The following JAKMIP2 variants were observed in gnomAD, a reference collection of about 807,000 sequenced individuals.
The protein encoded by JAKMIP2 is janus kinase and microtubule interacting protein 2, also known as janus kinase and microtubule-interacting protein 2.
In JAKMIP2, 25 loss-of-function variants were observed where a neutral mutation model predicts 115.0. The observed-to-expected ratio is 0.22, with a 90% confidence interval of 0.16 to 0.30. JAKMIP2 has a LOEUF of 0.30. JAKMIP2 is among the 10% of genes least tolerant of loss of function. The pLI is 1.00. For synonymous variants in JAKMIP2, 334 were observed against 343.6 expected (o/e 0.97, Z 0.31); for missense variants, 642 against 957.6 (o/e 0.67, Z 4.35).
intron 1 of JAKMIP2, among the ~76,000 whole-genome samples, chr5:147,682,544 T>C (rs1289452667): frequency 6.6e-6 from 1 of 152,190 alleles, no homozygotes; most frequent in Non-Finnish European, 1.5e-5. Flanking sequence ...GGTGACTGAG[T>C]CCCAGTTAAG....
intron 1 of JAKMIP2, among the ~76,000 whole-genome samples, chr5:147,768,682 G>A (rs1444757573): frequency 3.3e-5 from 5 of 152,058 alleles, no homozygotes; most frequent in African/African-American, 9.7e-5. Context: ...GTAATAAACA[G>A]CATCAGGAAG....
chr5:147,638,868 T>A (rs1289814592), intron 10 of JAKMIP2, among the ~76,000 whole-genome samples: 1 of 152,148 alleles, frequency 6.6e-6, no homozygotes, highest in Non-Finnish European at 1.5e-5. Context: ...TCCTCTTCTA[T>A]AGAAAGAAGA....
chr5:147,586,042 G>C lies in JAKMIP2; in HGVS notation c.*5665C>G, dbSNP rs761026910. ...TGCTGGTTTATGGGCCTGGATAATT[G>C]AAAAACCGAGTGGTCTCTGCCTCAG... On this transcript the variant is annotated 3_prime_UTR_variant, in exon 22 of 22. Coordinates refer to ENST00000616793, the MANE Select transcript of JAKMIP2 (RefSeq NM_001270941.2). 6 of 151,654 alleles carry C rather than the reference G, an allele frequency of 4.0e-5. No individual in the cohort carries two copies. The highest frequency in any genetic ancestry group is 1.5e-4 in the African/African-American group (6 of 41,278). 9.4% of individuals were successfully genotyped at this position (151,654 alleles called of 1,614,324 possible).
chr5:147,684,287 G>T (rs1164012081), intron 1 of JAKMIP2, among the ~76,000 whole-genome samples: 4 of 137,432 alleles, frequency 2.9e-5, no homozygotes, highest in Non-Finnish European at 6.1e-5. Flanking sequence ...CATATTCTAA[G>T]TGCCAGAGAA....
chr5:147,700,252 A>G (rs994168191), intron 1 of JAKMIP2, among the ~76,000 whole-genome samples: 1 of 152,166 alleles, frequency 6.6e-6, no homozygotes, highest in Non-Finnish European at 1.5e-5. Flanking sequence ...AAATAAAATA[A>G]GGGATATAAA....
intron 1 of JAKMIP2, among the ~76,000 whole-genome samples, chr5:147,769,808 G>T (rs538844729): frequency 2.7e-5 from 4 of 150,936 alleles, no homozygotes; most frequent in African/African-American, 9.8e-5. Context: ...GTTTGTCTCT[G>T]TAAACCAGAT....
intron 1 of JAKMIP2, among the ~76,000 whole-genome samples, chr5:147,719,602 A>G (rs1455605018): frequency 6.6e-6 from 1 of 152,096 alleles, no homozygotes; most frequent in Non-Finnish European, 1.5e-5. Flanking sequence ...CCATTATGTA[A>G]TGGCTGTCTT....
intron 8 of JAKMIP2, among the ~76,000 whole-genome samples, 185 bp downstream of exon 8, chr5:147,641,523 T>G (rs3765006): frequency 0.22 from 33,457 of 152,152 alleles, 4,647 homozygotes; most frequent in East Asian, 0.58. Flanking sequence ...ATTTACAACA[T>G]AATCATTTTT....
rs1164275904 is a variant in JAKMIP2, at chr5:147,759,231, G to A, written c.-149+23225C>T. Among the ~76,000 whole-genome samples the A allele has an allele frequency of 2.0e-5, 3 of 149,096 alleles. No homozygotes were observed. The South Asian group carries it at 6.3e-4, about 31-fold the overall frequency. ...CAGGTAGAAGTTGGAAAACAGAAAA[G>A]AAAAAAAGGAGGGAAGAAAAAGAGA... On this transcript the variant is annotated intron_variant, in intron 1 of 21. Coordinates refer to ENST00000616793, the MANE Select transcript of JAKMIP2 (RefSeq NM_001270941.2).
intron 21 of JAKMIP2, among the ~76,000 whole-genome samples, chr5:147,593,327 C>T (rs1430437140): frequency 1.3e-5 from 2 of 152,256 alleles, no homozygotes; most frequent in South Asian, 4.1e-4. Flanking sequence ...AGAATTCACA[C>T]ATATGTTGCC....
chr5:147,776,647 G>C (rs1755568728), intron 1 of JAKMIP2, among the ~76,000 whole-genome samples: 1 of 152,178 alleles, frequency 6.6e-6, no homozygotes, highest in Non-Finnish European at 1.5e-5. Context: ...TACAGGACAG[G>C]CTGGGCATGG....
intron 17 of JAKMIP2, among the ~76,000 whole-genome samples, chr5:147,621,930 C>T (rs111580843): frequency 0.058 from 8,893 of 152,174 alleles, 444 homozygotes; most frequent in Non-Finnish European, 0.079. Context: ...TGCAATGGCG[C>T]GATCTCGGCT....
At chr5:147,622,924 C>CT (rs2126659573) in intron 17 of JAKMIP2, among the ~76,000 whole-genome samples, 1 of 152,140 alleles carries the variant, frequency 6.6e-6, no homozygotes, top group South Asian at 2.1e-4. Context: ...CTTGTTTTAT[C>CT]TTTTTGGTTG....
intron 1 of JAKMIP2, among the ~76,000 whole-genome samples, chr5:147,753,514 G>A (rs181908774): frequency 6.6e-6 from 1 of 152,336 alleles, no homozygotes; most frequent in East Asian, 1.9e-4. Context: ...CTGCCACCGA[G>A]CGTTGCTCTG....
chr5:147,688,999 G>A (rs965767472), intron 1 of JAKMIP2, among the ~76,000 whole-genome samples: 7 of 152,178 alleles, frequency 4.6e-5, no homozygotes, highest in African/African-American at 1.4e-4. Flanking sequence ...AAATAATACA[G>A]AACAGAGGTC....
intron 1 of JAKMIP2, among the ~76,000 whole-genome samples, chr5:147,779,320 A>T (rs1364638726): frequency 6.6e-6 from 1 of 152,128 alleles, no homozygotes; most frequent in East Asian, 1.9e-4. Flanking sequence ...TAATATTCTA[A>T]CATGAATGAC....
intron 1 of JAKMIP2, among the ~76,000 whole-genome samples, chr5:147,745,607 A>G (rs144816268): frequency 6.6e-6 from 1 of 152,218 alleles, no homozygotes; most frequent in African/African-American, 2.4e-5. Context: ...TTTTGTTGTC[A>G]GCAATTATAT....
intron 17 of JAKMIP2, among the ~76,000 whole-genome samples, chr5:147,622,025 G>A (rs1379785820): frequency 3.9e-5 from 6 of 152,090 alleles, no homozygotes; most frequent in South Asian, 2.1e-4. Flanking sequence ...GTGCCACCGC[G>A]CCCGGCTAAT....
At chr5:147,623,388 C>T (rs3763088) in intron 17 of JAKMIP2, among the ~76,000 whole-genome samples, 227 of 152,100 alleles carry the variant, frequency 1.5e-3, no homozygotes, top group Admixed American at 3.5e-3. Context: ...ACTCAATTTT[C>T]TTCGGCATTA....
Sources: gnomAD v4.1 joint callset for allele counts (sites outside exome capture counted in the v4.1 genomes callset) on GRCh38, gnomAD v4.1.1 for gene constraint, MANE v1.5 for transcripts, NCBI Gene and HGNC (gene_info 2026-07-23, HGNC 2026-07-21) for gene names.